PIP5K1C: variants seen among roughly 807,000 people sequenced by gnomAD.
The protein encoded by PIP5K1C is phosphatidylinositol 4-phosphate 5-kinase type-1 gamma.
In PIP5K1C, 45 loss-of-function variants were observed where a neutral mutation model predicts 80.1. The ratio of observed to expected loss-of-function variants is 0.56; its 90% CI spans 0.44 to 0.72. The LOEUF is 0.72. Among genes scored for constraint, PIP5K1C ranks in the 30% least tolerant of loss-of-function variants. PIP5K1C has a pLI of 0.00. For synonymous variants in PIP5K1C, 498 were observed against 420.1 expected (o/e 1.19, Z -2.27); for missense variants, 753 against 954.6 (o/e 0.79, Z 2.78).
Position 3,648,570 on chromosome 19 carries a change from G to C in PIP5K1C, c.1211+55C>G. The C allele has an allele frequency of 7.7e-7, 1 of 1,300,402 alleles. No individual in the cohort carries two copies. The highest frequency in any genetic ancestry group is 1.4e-5 in the South Asian group (1 of 71,988). 80.6% of individuals were successfully genotyped at this position (1,300,402 alleles called of 1,614,324 possible). On this transcript the variant is annotated intron_variant, in intron 9 of 17. Coordinates refer to ENST00000335312, the MANE Select transcript of PIP5K1C (RefSeq NM_012398.3). The surrounding 1 kb of genome is among the most constrained non-coding windows in gnomAD (Gnocchi z 4.3). Reference sequence around the variant, plus strand: ...GGGCTGCAGACCCGGGCGCCCACCTGTGGGACTGCAGACCCGGGGCGTCCA... The same window carrying C: ...GGGCTGCAGACCCGGGCGCCCACCTCTGGGACTGCAGACCCGGGGCGTCCA...
intron 9 of PIP5K1C, among the ~76,000 whole-genome samples, chr19:3,647,902 G>A (rs576331331): frequency 6.3e-4 from 96 of 152,344 alleles, no homozygotes; most frequent in Admixed American, 7.2e-4. Flanking sequence ...AGCCAAGATC[G>A]CACCAATGCT....
chr19:3,681,603 G>A (rs776241566), intron 1 of PIP5K1C, among the ~76,000 whole-genome samples: 4 of 152,094 alleles, frequency 2.6e-5, no homozygotes, highest in Non-Finnish European at 5.9e-5. Context: ...CCGCGGGCTG[G>A]TGCTCTGCAA....
intron 5 of PIP5K1C, among the ~76,000 whole-genome samples, chr19:3,659,077 C>G (rs1303793809): frequency 6.6e-6 from 1 of 152,168 alleles, no homozygotes; most frequent in African/African-American, 2.4e-5. Context: ...GAGCTACCCC[C>G]CTTACCAGGG....
intron 1 of PIP5K1C, among the ~76,000 whole-genome samples, chr19:3,699,353 T>C (rs1258169020): frequency 6.9e-6 from 1 of 145,268 alleles, no homozygotes; most frequent in African/African-American, 2.5e-5. Context: ...GGGGACTTGA[T>C]GACTTCCACA....
intron 10 of PIP5K1C, among the ~76,000 whole-genome samples, chr19:3,646,867 G>A (rs1315386213): frequency 3.3e-5 from 5 of 152,066 alleles, no homozygotes; most frequent in African/African-American, 4.8e-5. Context: ...GTGGAGTGAC[G>A]GATGGGAGGA....
At chr19:3,645,420 G>C (rs2034171035) in intron 11 of PIP5K1C, among the ~76,000 whole-genome samples, 1 of 152,230 alleles carries the variant, frequency 6.6e-6, no homozygotes, top group Non-Finnish European at 1.5e-5. Context: ...TGGCCCATGA[G>C]GGGAAGCTGA....
In PIP5K1C at chr19:3,688,463, G is replaced by T. The variant is rs528203691; in HGVS notation, c.94+11834C>A. The stretch of plus-strand genomic sequence containing the variant: ...GCTATTTCCAGGGCAGCACCCCCAG[G>T]ACTCTGGGGCACACACGTCCCCAGG... On this transcript the variant is annotated intron_variant, in intron 1 of 17. Transcript: ENST00000335312. The surrounding 1 kb of genome is among the most constrained non-coding windows in gnomAD (Gnocchi z 5.3). Among the ~76,000 whole-genome samples the T allele has an allele frequency of 5.3e-5, 8 of 152,256 alleles. No homozygotes were observed. The highest frequency in any genetic ancestry group is 1.9e-4 in the African/African-American group (8 of 41,556).
At chr19:3,691,449 T>G (rs896894879) in intron 1 of PIP5K1C, among the ~76,000 whole-genome samples, 1 of 152,204 alleles carries the variant, frequency 6.6e-6, no homozygotes, top group South Asian at 2.1e-4. Context: ...CCCACGCACC[T>G]GATCAAACTC....
chr19:3,693,531 G>A (rs149519435), intron 1 of PIP5K1C, among the ~76,000 whole-genome samples: 5 of 152,304 alleles, frequency 3.3e-5, no homozygotes, highest in African/African-American at 4.8e-5. Flanking sequence ...GGTCTTGACC[G>A]GCCTGGTCCT....
At chr19:3,662,965 T>A (rs990238297) in intron 3 of PIP5K1C, among the ~76,000 whole-genome samples, 15 of 152,116 alleles carry the variant, frequency 9.9e-5, no homozygotes, top group Non-Finnish European at 2.2e-4. Context: ...GGGTTCAAGC[T>A]ATTCTCCCGC....
rs1230699208 is a variant in PIP5K1C at position 3,631,428 on chromosome 19, G to GA, written c.*1738dup. The GA allele has an allele frequency of 3.3e-5, 5 of 152,590 alleles. No individual in the cohort carries two copies. The highest frequency in any genetic ancestry group is 5.9e-5 in the Non-Finnish European group (4 of 68,324). The allele number at this position is 152,590 out of a possible 1,614,324, so 9.5% of individuals were successfully genotyped here. On this transcript the variant is annotated 3_prime_UTR_variant, in exon 18 of 18. Transcript: ENST00000335312. ...CCTTCGGAGGGACAGGGCGGGGGCT[G>GA]ATGGGTGGATGCCCGGTGCCAGCAG...
chr19:3,656,624 G>A (rs747849787), intron 5 of PIP5K1C, 67 bp from the exon 6 acceptor site: 18 of 1,577,168 alleles, frequency 1.1e-5, no homozygotes, highest in Non-Finnish European at 1.6e-5. Flanking sequence ...CTGGCTTCCG[G>A]TCTGCCCAAC....
rs1446610935 is a variant in PIP5K1C at position 3,688,154 on chromosome 19, G to A, written c.94+12143C>T. 6.6e-6 allele frequency among the ~76,000 whole-genome samples: 1 copy of A among 152,194 alleles called. No homozygotes were observed. The highest frequency in any genetic ancestry group is 1.5e-5 in the Non-Finnish European group (1 of 68,016). On this transcript the variant is annotated intron_variant, in intron 1 of 17. Coordinates refer to ENST00000335312, the MANE Select transcript of PIP5K1C (RefSeq NM_012398.3). The surrounding 1 kb of genome is among the most constrained non-coding windows in gnomAD (Gnocchi z 5.3). ...GCTGAGGCTCCCGCAGCCAGGGTCT[G>A]CGCGTGGTCCCCACCTCCTTGCGCG...
intron 11 of PIP5K1C, 150 bp downstream of exon 11, chr19:3,645,824 G>T: frequency 2.7e-6 from 2 of 743,774 alleles, no homozygotes; most frequent in Non-Finnish European, 5.0e-6. Context: ...CCCTACCTCC[G>T]GATGAGGCCC....
At chr19:3,693,983 C>T (rs945977669) in intron 1 of PIP5K1C, among the ~76,000 whole-genome samples, 5 of 151,484 alleles carry the variant, frequency 3.3e-5, no homozygotes, top group African/African-American at 7.3e-5. Context: ...GAGGCTGAGG[C>T]GGGCGGATCA....
intron 14 of PIP5K1C, 132 bp downstream of exon 14, chr19:3,642,775 G>A (rs749680356): frequency 1.7e-4 from 135 of 785,012 alleles, no homozygotes; most frequent in Non-Finnish European, 2.8e-4. Context: ...CTAGGGCCGA[G>A]TGCTACAATC....
In PIP5K1C at chr19:3,696,967, A is replaced by G. The variant is rs571500750; in HGVS notation, c.94+3330T>C. Among the ~76,000 whole-genome samples the G allele has an allele frequency of 1.3e-5, 2 of 152,180 alleles. No homozygotes were observed. The highest frequency in any genetic ancestry group is 3.4e-3 in the Middle Eastern group (1 of 294). Reference sequence around the variant, plus strand: ...TGGCTCAGGGGGCAAAGGAGGACTGAGCTGGACCGAGGAGGACTGAGCTGG... The same window carrying G: ...TGGCTCAGGGGGCAAAGGAGGACTGGGCTGGACCGAGGAGGACTGAGCTGG... On this transcript the variant is annotated intron_variant, in intron 1 of 17. Transcript: ENST00000335312. The surrounding 1 kb of genome is among the most constrained non-coding windows in gnomAD (Gnocchi z 4.1).
chr19:3,699,538 A>G (rs1600108926), intron 1 of PIP5K1C, among the ~76,000 whole-genome samples: 1 of 152,100 alleles, frequency 6.6e-6, no homozygotes, highest in Non-Finnish European at 1.5e-5. Flanking sequence ...GGAGCAGAGG[A>G]TTTTGTGAAT....
intron 1 of PIP5K1C, among the ~76,000 whole-genome samples, chr19:3,686,795 A>G (rs1208026618): frequency 6.6e-6 from 1 of 152,120 alleles, no homozygotes; most frequent in Non-Finnish European, 1.5e-5. Context: ...TGTAATAGCT[A>G]AAACTATAAA....
Sources: gnomAD v4.1 joint callset for allele counts (sites outside exome capture counted in the v4.1 genomes callset) on GRCh38, gnomAD v4.1.1 for gene constraint, Gnocchi (gnomAD v3.1) non-coding constraint, MANE v1.5 for transcripts, NCBI Gene and HGNC (gene_info 2026-07-23, HGNC 2026-07-21) for gene names.